The following NSD2 variants were observed in gnomAD, a reference collection of about 807,000 sequenced individuals.
NSD2 encodes the protein nuclear receptor binding SET domain protein 2.
Under a neutral mutation model 139.0 loss-of-function variants are expected in NSD2, and 12 were observed. The ratio of observed to expected loss-of-function variants is 0.09; its 90% confidence interval spans 0.06 to 0.14. The LOEUF is 0.14. Ranked by LOEUF, NSD2 falls within the 10% of genes least tolerant of loss-of-function variation. The pLI, the probability that NSD2 is intolerant of heterozygous loss-of-function variation, is 1.00. For synonymous variants in NSD2, 669 were observed against 648.7 expected (o/e 1.03, Z -0.48); for missense variants, 1,155 against 1,745.0 (o/e 0.66, Z 6.02).
rs540379722 is a variant in NSD2, at chr4:1,941,457, G to C, written c.1881+1679G>C. ...GGCCAGTGTAGCGGGGTCGAGGCCT[G>C]CCCATGAGTCAGGGGAGCTCAGTCT... is the stretch of plus-strand genomic sequence containing the variant. On this transcript the variant is annotated intron_variant, in intron 9 of 21. Transcript: ENST00000508803. 3 of 1,047,692 alleles carry C rather than the reference G, an allele frequency of 2.9e-6. No homozygotes were observed. The South Asian group carries it at 1.4e-4, about 48-fold the overall frequency. 64.9% of individuals were successfully genotyped at this position (1,047,692 alleles called of 1,614,324 possible). A position where few individuals can be genotyped will look rare whatever the true frequency, so the allele number is the denominator to read the frequency against.
Position 1,959,504 on chromosome 4 carries a change from A to G in NSD2, c.3019A>G (p.Thr1007Ala). 6.2e-7 allele frequency: 1 copy of G among 1,614,192 alleles called. No homozygotes were observed. Among genetic ancestry groups the G allele is most frequent in the South Asian group, 1.1e-5 (1 of 91,080 alleles). ...GCCTTACGGGAAAGTCCAGATCTAC[A>G]CAGCGGATATTTCAGAAATCCCTAA... The part of the protein sequence containing the change: ...NKPYGKVQIY[T>A]ADISEIPKCN... The change falls in exon 17 of 22, where the codon ACA becomes GCA. Residue 1007 changes from threonine to alanine, a missense_variant. This residue lies in a region of NSD2 where 139 missense variants were observed against 485.8 expected (regional missense o/e 0.29). Transcript: ENST00000508803.
chr4:1,979,330 G>A lies in NSD2; in HGVS notation c.*421G>A. ...CGTTGCCCCCTTTCTGGCTCTCAGC[G>A]CCGTCGCCACTCGGGAGAGGCTGGG... is the stretch of plus-strand genomic sequence containing the variant. On this transcript the variant is annotated 3_prime_UTR_variant, in exon 22 of 22. Transcript: ENST00000508803. The A allele has an allele frequency of 4.2e-6, 1 of 240,334 alleles. No homozygotes were observed. The allele number at this position is 240,334 out of a possible 1,614,324, so 14.9% of individuals were successfully genotyped here.
chr4:1,901,206 C>T lies in NSD2; in HGVS notation c.552C>T (p.Val184=), dbSNP rs766116822. The change falls in exon 2 of 22, where the codon GTC becomes GTT. Residue 184 remains valine (V), a synonymous_variant. Coordinates refer to ENST00000508803, the MANE Select transcript of NSD2 (RefSeq NM_001042424.3). ...KYDSLLEQGL[V]EAALVSKISS... is the part of the protein sequence containing the mutation. Reference sequence around the variant, plus strand: ...ACTCCTTGCTGGAGCAGGGCCTTGTCGAAGCAGCTCTTGTGTCTAAGATCT... The same window carrying T: ...ACTCCTTGCTGGAGCAGGGCCTTGTTGAAGCAGCTCTTGTGTCTAAGATCT... The T allele has an allele frequency of 3.7e-6, 6 of 1,600,710 alleles. No homozygotes were observed. The highest frequency in any genetic ancestry group is 4.5e-5 in the East Asian group (2 of 44,858).
chr4:1,876,197 G>A (rs1490087704), intron 1 of NSD2, among the ~76,000 whole-genome samples: 1 of 151,826 alleles, frequency 6.6e-6, no homozygotes, highest in South Asian at 2.1e-4. Flanking sequence ...CTGGTTGACA[G>A]AGCAAGACCC....
At chr4:1,898,672 CAAAA>C (rs1304580837) in intron 1 of NSD2, among the ~76,000 whole-genome samples, 11 of 138,332 alleles carry the variant, frequency 8.0e-5, no homozygotes, top group Middle Eastern at 3.7e-3. Flanking sequence ...AAAAAAAAAA[CAAAA>C]AACAAAAAAC....
At chr4:1,964,061 G>A (rs957551572) in intron 18 of NSD2, among the ~76,000 whole-genome samples, 1 of 151,964 alleles carries the variant, frequency 6.6e-6, no homozygotes, top group African/African-American at 2.4e-5. Flanking sequence ...AATAGAAGGT[G>A]ACCCTCGTGA....
At chr4:1,911,129 A>G (rs557594488) in intron 3 of NSD2, among the ~76,000 whole-genome samples, 2 of 152,262 alleles carry the variant, frequency 1.3e-5, no homozygotes, top group South Asian at 4.2e-4. Context: ...GAGAGTCACA[A>G]ACTACCTGTA....
intron 1 of NSD2, among the ~76,000 whole-genome samples, chr4:1,878,257 T>TACA (rs1714442148): frequency 1.5e-5 from 1 of 68,244 alleles, no homozygotes; most frequent in African/African-American, 6.7e-5. Context: ...ATATATTTTT[T>TACA]TTTTTTTTTT....
At chr4:1,903,622 T>C (rs1717483657) in intron 2 of NSD2, among the ~76,000 whole-genome samples, 1 of 152,110 alleles carries the variant, frequency 6.6e-6, no homozygotes, top group African/African-American at 2.4e-5. Context: ...TTAAAGACCG[T>C]CTATTAATAC....
intron 1 of NSD2, among the ~76,000 whole-genome samples, chr4:1,893,533 TTTG>T (rs1164446925): frequency 6.7e-6 from 1 of 150,060 alleles, no homozygotes; most frequent in Non-Finnish European, 1.5e-5. Context: ...TGCCTCTTTT[TTTG>T]TTTTTTGTTT....
At chr4:1,919,926 C>T (rs1037915099) in intron 5 of NSD2, among the ~76,000 whole-genome samples, 1 of 151,672 alleles carries the variant, frequency 6.6e-6, no homozygotes, top group Non-Finnish European at 1.5e-5. Flanking sequence ...CAGAATGAGA[C>T]GCCGTCTCAA....
At position 1,968,734 on chromosome 4, in the gene NSD2, A is replaced by T. The variant is rs560246463; in HGVS notation, c.3373-6129A>T. On this transcript the variant is annotated intron_variant, in intron 18 of 21. Transcript: ENST00000508803. Reference sequence around the variant, plus strand: ...ATTAGGGTCAGTACATAGTAACAACAAGGAAAGGCTCCCACAGGCCTTAAT... The same window carrying T: ...ATTAGGGTCAGTACATAGTAACAACTAGGAAAGGCTCCCACAGGCCTTAAT... Among the ~76,000 whole-genome samples the T allele has an allele frequency of 2.0e-5, 3 of 152,342 alleles. No individual in the cohort carries two copies. The South Asian group carries it at 6.2e-4, about 32-fold the overall frequency.
chr4:1,903,106 CAT>C (rs1307921194), intron 2 of NSD2, among the ~76,000 whole-genome samples: 1 of 152,184 alleles, frequency 6.6e-6, no homozygotes, highest in Non-Finnish European at 1.5e-5. Flanking sequence ...GAAAATGTGT[CAT>C]GTGGCAGCTC....
intron 1 of NSD2, among the ~76,000 whole-genome samples, chr4:1,893,463 C>T (rs977993328): frequency 1.3e-5 from 2 of 151,874 alleles, no homozygotes; most frequent in Admixed American, 1.3e-4. Context: ...ACAGAGACTC[C>T]GTTTCAATAA....
chr4:1,929,191 AGGCAACAAGAG>A lies in NSD2; in HGVS notation c.1411-1423_1411-1413del, dbSNP rs1192040393. 2.6e-5 allele frequency among the ~76,000 whole-genome samples: 4 copies of A among 152,106 alleles called. No homozygotes were observed. The South Asian group carries it at 6.2e-4, about 24-fold the overall frequency. ...AGGGAGTGGAGCACATGACTCATCC[AGGCAACAAGAG>A]GGCAACAAGAGCCTCCCATGGTGGG... On this transcript the variant is annotated intron_variant, in intron 5 of 21. Transcript: ENST00000508803.
At chr4:1,917,180 G>C (rs1577431918) in intron 4 of NSD2, 143 bp downstream of exon 4, 2 of 934,802 alleles carry the variant, frequency 2.1e-6, no homozygotes, top group East Asian at 2.8e-5. Context: ...TTTTGCCCAA[G>C]GATGCCATGT....
intron 5 of NSD2, 160 bp downstream of exon 5, chr4:1,918,783 A>T: frequency 9.9e-7 from 1 of 1,008,688 alleles, no homozygotes; most frequent in Non-Finnish European, 1.4e-6. Flanking sequence ...AGCCATTCTG[A>T]CCCTTGAGGG....
rs554769028 is a variant in NSD2, at chr4:1,900,555, C to T, written c.-29-71C>T. 22 of 1,031,352 alleles carry T rather than the reference C, an allele frequency of 2.1e-5. No homozygotes were observed. The African/African-American group carries it at 2.7e-4, about 13-fold the overall frequency. 63.9% of individuals were successfully genotyped at this position (1,031,352 alleles called of 1,614,324 possible). Reference sequence around the variant, plus strand: ...TCAGACCCCACAAAGCTGTAGAGGTCCTGGCATACCTATCCTAGGTTTTAA... The same window carrying T: ...TCAGACCCCACAAAGCTGTAGAGGTTCTGGCATACCTATCCTAGGTTTTAA... On this transcript the variant is annotated intron_variant, in intron 1 of 21. Coordinates refer to ENST00000508803, the MANE Select transcript of NSD2 (RefSeq NM_001042424.3).
intron 9 of NSD2, chr4:1,946,616 T>A: frequency 4.9e-6 from 5 of 1,030,300 alleles, no homozygotes; most frequent in Non-Finnish European, 5.8e-6. Flanking sequence ...ATTTTAGGAC[T>A]TTTTGTCAAC....
Sources: allele counts gnomAD v4.1 joint callset (sites outside exome capture counted in the v4.1 genomes callset), GRCh38; gene constraint gnomAD v4.1.1; regional missense constraint gnomAD v4.1.1; transcripts MANE v1.5; gene names NCBI Gene and HGNC (gene_info 2026-07-23, HGNC 2026-07-21).